Variants in CRCP observed in about 807,000 individuals in gnomAD.
CRCP encodes DNA-directed RNA polymerase III subunit RPC9.
In CRCP, 18 loss-of-function variants were observed where a neutral mutation model predicts 18.5. The observed-to-expected ratio is 0.97, with a 90% CI of 0.67 to 1.44. The LOEUF is 1.44. Ranked by LOEUF, CRCP falls within the 40% of genes most tolerant of loss-of-function variation. The pLI is 0.00. For synonymous variants in CRCP, 53 were observed against 62.9 expected (o/e 0.84, Z 0.75); for missense variants, 130 against 176.4 (o/e 0.74, Z 1.49).
At chr7:66,137,459 C>T (rs758043817) in intron 4 of CRCP, among the ~76,000 whole-genome samples, 1 of 152,144 alleles carries the variant, frequency 6.6e-6, no homozygotes, top group Non-Finnish European at 1.5e-5. Flanking sequence ...TATTTCATTG[C>T]CCTGGCTGGG....
At position 66,154,173 on chromosome 7, in the gene CRCP, GTCTC is replaced by G. The variant is rs1421085744; in HGVS notation, c.*1822_*1825del. 4.2e-5 allele frequency: 6 copies of G among 142,596 alleles called. No individual in the cohort carries two copies. The highest frequency in any genetic ancestry group is 2.1e-4 in the East Asian group (1 of 4,826). The allele number at this position is 142,596 out of a possible 1,614,324, so 8.8% of individuals were successfully genotyped here. A position where few individuals can be genotyped will look rare whatever the true frequency, so the allele number is the denominator to read the frequency against. The stretch of plus-strand genomic sequence containing the variant: ...ACATGTGCCAATCTGTCTCATTGTT[GTCTC>G]TCTCTTTTTTTTTTTTTTTTTTGAG... On this transcript the variant is annotated 3_prime_UTR_variant, in exon 6 of 6. Transcript: ENST00000395326.
At chr7:66,123,749 C>CAAA in intron 1 of CRCP, among the ~76,000 whole-genome samples, 1 of 138,532 alleles carries the variant, frequency 7.2e-6, no homozygotes, top group Non-Finnish European at 1.6e-5. Context: ...ACTCTTGTCT[C>CAAA]AAAAAAAAAA....
chr7:66,125,102 G>A (rs1787581429), intron 1 of CRCP, among the ~76,000 whole-genome samples: 1 of 149,234 alleles, frequency 6.7e-6, no homozygotes, highest in African/African-American at 2.4e-5. Flanking sequence ...CCTCAATTTG[G>A]AATTCTCTGA....
chr7:66,147,836 A>G (rs1385072932), intron 5 of CRCP, among the ~76,000 whole-genome samples: 1 of 151,994 alleles, frequency 6.6e-6, no homozygotes, highest in African/African-American at 2.4e-5. Context: ...AGGTGGGAGG[A>G]TTGCTTGAGG....
intron 1 of CRCP, among the ~76,000 whole-genome samples, chr7:66,121,075 T>C (rs536035389): frequency 6.6e-6 from 1 of 150,998 alleles, no homozygotes; most frequent in East Asian, 1.9e-4. Context: ...ATACCTGAAA[T>C]TTCTTCTTTT....
chr7:66,118,370 G>C (rs1477799384), intron 1 of CRCP, among the ~76,000 whole-genome samples: 1 of 152,176 alleles, frequency 6.6e-6, no homozygotes, highest in Non-Finnish European at 1.5e-5. Context: ...ATAGTACCTT[G>C]ATTTACTTTC....
chr7:66,127,498 G>A (rs914516118), intron 1 of CRCP, among the ~76,000 whole-genome samples: 1 of 152,190 alleles, frequency 6.6e-6, no homozygotes, highest in Non-Finnish European at 1.5e-5. Flanking sequence ...GGATGGGACA[G>A]CACTTTGTTC....
At chr7:66,120,920 A>C (rs1787419333) in intron 1 of CRCP, among the ~76,000 whole-genome samples, 1 of 151,860 alleles carries the variant, frequency 6.6e-6, no homozygotes, top group Non-Finnish European at 1.5e-5. Context: ...TGTATATTGT[A>C]CCTCTATCAG....
chr7:66,133,773 C>T (rs1266526185), intron 3 of CRCP, among the ~76,000 whole-genome samples: 1 of 149,736 alleles, frequency 6.7e-6, no homozygotes, highest in African/African-American at 2.5e-5. Flanking sequence ...TACTGGTTTT[C>T]TCTTTCAGAA....
chr7:66,135,330 A>C (rs918824986), intron 4 of CRCP, among the ~76,000 whole-genome samples: 1 of 152,246 alleles, frequency 6.6e-6, no homozygotes, highest in Non-Finnish European at 1.5e-5. Context: ...TATTGAGAAC[A>C]TTAAATGTCA....
chr7:66,147,358 A>AGTGCATG (rs1788329264), intron 5 of CRCP, among the ~76,000 whole-genome samples: 1 of 143,960 alleles, frequency 6.9e-6, no homozygotes, highest in South Asian at 2.2e-4. Flanking sequence ...AAAAAAAAAG[A>AGTGCATG]GTGCATGGGG....
At chr7:66,150,354 G>GAAACTCTGTCTCAAAAAAAAAAAA (rs57066308) in intron 5 of CRCP, among the ~76,000 whole-genome samples, 2 of 146,584 alleles carry the variant, frequency 1.4e-5, no homozygotes, top group African/African-American at 2.5e-5. Context: ...CAACAAGAGT[G>GAAACTCTGTCTCAAAAAAAAAAAA]AAGGGGGGGA....
At chr7:66,129,911 T>C (rs1448156098) in intron 2 of CRCP, among the ~76,000 whole-genome samples, 1 of 152,058 alleles carries the variant, frequency 6.6e-6, no homozygotes, top group African/African-American at 2.4e-5. Flanking sequence ...GAGACTAAGA[T>C]TCCCCCCTGC....
At chr7:66,138,900 G>T (rs1198623612) in intron 4 of CRCP, among the ~76,000 whole-genome samples, 1 of 147,430 alleles carries the variant, frequency 6.8e-6, no homozygotes, top group East Asian at 2.0e-4. Context: ...GTTTATTTTT[G>T]CTGAGCTTCT....
intron 5 of CRCP, among the ~76,000 whole-genome samples, chr7:66,148,094 G>A (rs1323927962): frequency 6.6e-6 from 1 of 152,070 alleles, no homozygotes; most frequent in Admixed American, 6.5e-5. Context: ...GGGCACGGTG[G>A]CTCACGCCTG....
At chr7:66,135,788 G>A (rs1484727332) in intron 4 of CRCP, among the ~76,000 whole-genome samples, 1 of 152,130 alleles carries the variant, frequency 6.6e-6, no homozygotes, top group African/African-American at 2.4e-5. Flanking sequence ...GGGCGTGCTG[G>A]CACATGCCTG....
intron 1 of CRCP, among the ~76,000 whole-genome samples, chr7:66,121,191 G>A (rs970448733): frequency 1.3e-5 from 2 of 151,546 alleles, no homozygotes; most frequent in African/African-American, 4.8e-5. Context: ...CCTCCTGCCT[G>A]AGCCTACTGG....
intron 1 of CRCP, among the ~76,000 whole-genome samples, chr7:66,123,027 A>G (rs1406850412): frequency 6.8e-6 from 1 of 146,930 alleles, no homozygotes; most frequent in African/African-American, 2.5e-5. Context: ...CCATCTCGGC[A>G]CACTGTAAGC....
intron 4 of CRCP, among the ~76,000 whole-genome samples, chr7:66,140,082 C>T (rs567968313): frequency 3.4e-4 from 52 of 152,364 alleles, no homozygotes; most frequent in Middle Eastern, 3.4e-3. Flanking sequence ...TTCCAGGCTA[C>T]GCCTGTTGCT....
Sources: allele counts gnomAD v4.1 joint callset (sites outside exome capture counted in the v4.1 genomes callset), GRCh38; gene constraint gnomAD v4.1.1; transcripts MANE v1.5; gene names NCBI Gene and HGNC (gene_info 2026-07-23, HGNC 2026-07-21).